PTPRM: variants seen among roughly 807,000 people sequenced by gnomAD.
PTPRM encodes receptor-type tyrosine-protein phosphatase mu.
PTPRM carries 47 observed loss-of-function variants against 186.7 expected under a neutral mutation model. That is an observed-to-expected ratio of 0.25 (90% CI 0.20 to 0.32). PTPRM has a LOEUF of 0.32. Ranked by LOEUF, PTPRM falls within the 10% of genes least tolerant of loss-of-function variation. PTPRM has a pLI of 1.00. For synonymous variants in PTPRM, 668 were observed against 674.9 expected, an observed-to-expected ratio of 0.99 and a Z score of 0.16; for missense variants, 1,494 against 1,865.0, an observed-to-expected ratio of 0.80 and a Z score of 3.66.
In PTPRM at chr18:7,911,846, ATTT is replaced by A. The variant is rs57590269; in HGVS notation, c.547+5285_547+5287del. Among the ~76,000 whole-genome samples the A allele has an allele frequency of 2.4e-4, 19 of 80,682 alleles. No individual in the cohort carries two copies. The East Asian group carries it at 3.5e-3, about 15-fold the overall frequency. 52.9% of individuals were successfully genotyped at this position (80,682 alleles called of 152,430 possible). A position where few individuals can be genotyped will look rare whatever the true frequency, so the allele number is the denominator to read the frequency against. ...TTTTTTCCAGAGTTTTATGGTTTCA[ATTT>A]TTTTTTTTTTTTTTTTTTTTTGAGA... is the stretch of plus-strand genomic sequence containing the variant. On this transcript the variant is annotated intron_variant, in intron 4 of 32. Transcript: ENST00000580170.
chr18:7,571,205 G>A (rs926182047), intron 1 of PTPRM, among the ~76,000 whole-genome samples: 5 of 152,180 alleles, frequency 3.3e-5, no homozygotes, highest in East Asian at 1.9e-4. Context: ...CTCCCAAAGT[G>A]CTGGGATTAC....
chr18:8,012,860 T>C (rs149439227), intron 7 of PTPRM, among the ~76,000 whole-genome samples: 1 of 151,730 alleles, frequency 6.6e-6, no homozygotes, highest in East Asian at 1.9e-4. Flanking sequence ...ATGAAGTGTA[T>C]TTTTTTTTCA....
At chr18:8,166,847 C>T (rs1338829487) in intron 14 of PTPRM, among the ~76,000 whole-genome samples, 1 of 152,160 alleles carries the variant, frequency 6.6e-6, no homozygotes, top group Non-Finnish European at 1.5e-5. Context: ...TCCAGAGCTT[C>T]CACTCTGAGC....
chr18:7,704,095 T>C (rs2040023722), intron 1 of PTPRM, among the ~76,000 whole-genome samples: 1 of 152,220 alleles, frequency 6.6e-6, no homozygotes, highest in Non-Finnish European at 1.5e-5. Flanking sequence ...TTGAGGATTT[T>C]CGCATCGACG....
intron 1 of PTPRM, among the ~76,000 whole-genome samples, chr18:7,658,363 T>TATATATATATATATATAC (rs1490051251): frequency 2.1e-5 from 3 of 142,070 alleles, no homozygotes; most frequent in African/African-American, 7.9e-5. Context: ...TATATATACA[T>TATATATATATATATATAC]ACACACACAC....
rs1488367373 is a variant in PTPRM at position 7,812,091 on chromosome 18, C to T, written c.196+37820C>T. Among the ~76,000 whole-genome samples, 4 of 152,068 alleles carry T rather than the reference C, an allele frequency of 2.6e-5. No homozygotes were observed. The East Asian group carries it at 7.7e-4, about 29-fold the overall frequency. Reference sequence around the variant, plus strand: ...ATTAAATCCCCTTAAATGAATTAAACACATTTTCAATTTGATGCGTTATTA... The same window carrying T: ...ATTAAATCCCCTTAAATGAATTAAATACATTTTCAATTTGATGCGTTATTA... On this transcript the variant is annotated intron_variant, in intron 2 of 32. Transcript: ENST00000580170.
chr18:7,977,009 T>G (rs4602134), intron 7 of PTPRM, among the ~76,000 whole-genome samples: 71,084 of 151,748 alleles, frequency 0.47, 17,085 homozygotes, highest in African/African-American at 0.58. Flanking sequence ...GGATCAATTG[T>G]AAATCCATTC....
intron 19 of PTPRM, among the ~76,000 whole-genome samples, chr18:8,282,851 T>C (rs955396183): frequency 1.3e-5 from 2 of 152,172 alleles, no homozygotes; most frequent in Non-Finnish European, 2.9e-5. Context: ...CCTAAGGGAA[T>C]GACTAGACAA....
chr18:8,317,429 T>A lies in PTPRM; in HGVS notation c.2920-1749T>A, dbSNP rs570649262. Among the ~76,000 whole-genome samples the A allele has an allele frequency of 2.0e-5, 3 of 152,102 alleles. No individual in the cohort carries two copies. The South Asian group carries it at 6.2e-4, about 32-fold the overall frequency. On this transcript the variant is annotated intron_variant, in intron 21 of 32. Coordinates refer to ENST00000580170, the MANE Select transcript of PTPRM (RefSeq NM_001105244.2). Reference sequence around the variant, plus strand: ...TATATTAGACCTCCCAGTGGAGGTGTTGAGCAGGCAGTGGGTATGCATCAA... The same window carrying A: ...TATATTAGACCTCCCAGTGGAGGTGATGAGCAGGCAGTGGGTATGCATCAA...
intron 22 of PTPRM, among the ~76,000 whole-genome samples, chr18:8,329,865 C>T (rs1266159073): frequency 6.6e-6 from 1 of 152,166 alleles, no homozygotes; most frequent in East Asian, 1.9e-4. Flanking sequence ...GTAGCATGAT[C>T]ATAGCTCGCT....
intron 14 of PTPRM, among the ~76,000 whole-genome samples, chr18:8,148,946 TG>T (rs2092943922): frequency 1.3e-5 from 2 of 152,232 alleles, no homozygotes; most frequent in East Asian, 3.8e-4. Context: ...TCAGTTTCCC[TG>T]TAGTTGTGCT....
chr18:7,814,078 T>C (rs1399731055), intron 2 of PTPRM: 3 of 152,240 alleles, frequency 2.0e-5, no homozygotes, highest in Non-Finnish European at 4.4e-5. Context: ...ATTTAACACT[T>C]TGTGGTTGTG....
intron 1 of PTPRM, chr18:7,741,835 CTT>C (rs935304017): frequency 6.6e-6 from 1 of 152,212 alleles, no homozygotes; most frequent in African/African-American, 2.4e-5. Context: ...AAATCAGCCT[CTT>C]TGTCCTGTAA....
intron 7 of PTPRM, among the ~76,000 whole-genome samples, chr18:7,992,962 A>G (rs574022247): frequency 2.6e-5 from 4 of 152,018 alleles, no homozygotes; most frequent in South Asian, 2.1e-4. Flanking sequence ...CAAAGAATAC[A>G]TATTTACAAA....
At chr18:7,865,350 G>A (rs1238473728) in intron 2 of PTPRM, among the ~76,000 whole-genome samples, 1 of 152,160 alleles carries the variant, frequency 6.6e-6, no homozygotes, top group African/African-American at 2.4e-5. Flanking sequence ...AGTATTTTGA[G>A]ATACGTCCCA....
intron 2 of PTPRM, among the ~76,000 whole-genome samples, chr18:7,788,997 TG>T (rs1295142732): frequency 4.4e-4 from 67 of 152,070 alleles, no homozygotes; most frequent in Admixed American, 4.3e-3. Context: ...GTATGTACTG[TG>T]GAATAGCTGT....
chr18:7,975,264 G>A (rs987703529), intron 7 of PTPRM, among the ~76,000 whole-genome samples: 1 of 152,166 alleles, frequency 6.6e-6, no homozygotes, highest in Non-Finnish European at 1.5e-5. Flanking sequence ...TGTGTCCTTT[G>A]ACATTCACCC....
At chr18:8,292,584 T>C (rs1471738321) in intron 19 of PTPRM, among the ~76,000 whole-genome samples, 1 of 152,234 alleles carries the variant, frequency 6.6e-6, no homozygotes, top group Non-Finnish European at 1.5e-5. Flanking sequence ...TCTGACCTTT[T>C]CCTCAGAGCA....
intron 8 of PTPRM, among the ~76,000 whole-genome samples, chr18:8,075,480 AAGAT>A (rs1215865132): frequency 2.6e-5 from 4 of 152,094 alleles, no homozygotes; most frequent in Admixed American, 2.0e-4. Flanking sequence ...TTTTGTAAAT[AAGAT>A]AGGCATACTA....
Sources: allele counts gnomAD v4.1 joint callset (sites outside exome capture counted in the v4.1 genomes callset), GRCh38; gene constraint gnomAD v4.1.1; transcripts MANE v1.5; gene names NCBI Gene and HGNC (gene_info 2026-07-23, HGNC 2026-07-21).